UPP1: variants seen among roughly 807,000 people sequenced by gnomAD.
The protein encoded by UPP1 is uridine phosphorylase 1.
UPP1 carries 25 observed loss-of-function variants against 29.6 expected under a neutral mutation model. That is an observed-to-expected ratio of 0.85 (90% CI 0.62 to 1.18). The LOEUF is 1.18. UPP1 is among the 50% of genes most tolerant of loss of function. The pLI, the probability that UPP1 is intolerant of heterozygous loss-of-function variation, is 0.00. For synonymous variants in UPP1, 165 were observed against 159.8 expected (o/e 1.03, Z -0.25); for missense variants, 368 against 410.4 (o/e 0.90, Z 0.89).
intron 6 of UPP1, chr7:48,103,856 A>C: frequency 5.4e-6 from 7 of 1,289,704 alleles, no homozygotes; most frequent in Non-Finnish European, 7.1e-6. Flanking sequence ...TACAAAACTC[A>C]GATAAGTGTC....
intron 2 of UPP1, among the ~76,000 whole-genome samples, chr7:48,094,286 G>A (rs577315650): frequency 2.6e-5 from 4 of 152,168 alleles, no homozygotes; most frequent in African/African-American, 9.6e-5. Context: ...ACGGAGTGTC[G>A]CTCTGCAACC....
intron 3 of UPP1, 25 bp downstream of exon 3, chr7:48,094,852 TGGGTTGGGTG>T: frequency 6.2e-7 from 1 of 1,602,776 alleles, no homozygotes; most frequent in African/African-American, 1.3e-5. Flanking sequence ...CATTCCAGGT[TGGGTTGGGTG>T]GGGTTGGGTT....
chr7:48,108,538 C>G lies in UPP1; in HGVS notation c.*181C>G. ...GGAGATGTTCTTCCTTTTGAAGTTT[C>G]ATTGGAGCATTTTCAATGATGTTAG... On this transcript the variant is annotated 3_prime_UTR_variant, in exon 9 of 9. Transcript: ENST00000395564. 3 of 665,162 alleles carry G rather than the reference C, an allele frequency of 4.5e-6. No homozygotes were observed. The highest frequency in any genetic ancestry group is 3.8e-4 in the Middle Eastern group (1 of 2,652). 41.2% of individuals were successfully genotyped at this position (665,162 alleles called of 1,614,324 possible).
At chr7:48,090,524 C>A (rs751218583) in intron 2 of UPP1, among the ~76,000 whole-genome samples, 160 bp downstream of exon 2, 16 of 152,208 alleles carry the variant, frequency 1.1e-4, no homozygotes, top group Non-Finnish European at 1.8e-4. Flanking sequence ...CCTGCCTGGC[C>A]TTTCTTTGGC....
chr7:48,089,762 G>C (rs1438164377), intron 1 of UPP1: 1 of 152,362 alleles, frequency 6.6e-6, no homozygotes, highest in Non-Finnish European at 1.5e-5. Context: ...CCGAGGCGCA[G>C]CGAGGGTGAA....
intron 3 of UPP1, 21 bp downstream of exon 3, chr7:48,094,848 A>AGGTTGGGTTGGGTGG: frequency 7.8e-7 from 1 of 1,290,132 alleles, no homozygotes; most frequent in Non-Finnish European, 1.1e-6. Context: ...ATTTCATTCC[A>AGGTTGGGTTGGGTGG]GGTTGGGTTG....
At chr7:48,099,991 T>C (rs1416598844) in intron 4 of UPP1, among the ~76,000 whole-genome samples, 1 of 152,246 alleles carries the variant, frequency 6.6e-6, no homozygotes, top group Admixed American at 6.5e-5. Flanking sequence ...GCCAAATTGT[T>C]CCCTAATTCA....
chr7:48,102,675 T>C (rs1461943066), intron 5 of UPP1, among the ~76,000 whole-genome samples: 2 of 152,156 alleles, frequency 1.3e-5, no homozygotes, highest in Non-Finnish European at 2.9e-5. Context: ...ATGCCTCCAC[T>C]GTATGGCTCT....
intron 3 of UPP1, among the ~76,000 whole-genome samples, chr7:48,096,521 C>A (rs1161191171): frequency 6.6e-6 from 1 of 152,132 alleles, no homozygotes; most frequent in Non-Finnish European, 1.5e-5. Flanking sequence ...GGAGCCCTCC[C>A]ACTTCCCCTT....
At chr7:48,097,482 C>T (rs982632528) in intron 3 of UPP1, among the ~76,000 whole-genome samples, 25 of 152,176 alleles carry the variant, frequency 1.6e-4, no homozygotes, top group African/African-American at 4.6e-4. Flanking sequence ...GATCCACCTG[C>T]GTTGGCCTCC....
In UPP1 at chr7:48,100,381, T is replaced by C. The variant is rs144858876; in HGVS notation, c.162+594T>C. On this transcript the variant is annotated intron_variant, in intron 4 of 8. Transcript: ENST00000395564. ...TATGCATTTGAAACTATATATAAAATAAACTTCCTAATGCTTCATTGAGAG... is the reference window on the plus strand; with the variant it reads ...TATGCATTTGAAACTATATATAAAACAAACTTCCTAATGCTTCATTGAGAG... Among the ~76,000 whole-genome samples the C allele has an allele frequency of 3.5e-3, 528 of 152,314 alleles. 3 individuals carry two copies. Among genetic ancestry groups the C allele is most frequent in the African/African-American group, 0.012 (493 of 41,564 alleles).
Position 48,107,043 on chromosome 7 carries a change from G to A in UPP1, c.607G>A (p.Val203Met), listed in dbSNP as rs745832433. 2.5e-6 allele frequency: 4 copies of A among 1,612,372 alleles called. No individual in the cohort carries two copies. Among genetic ancestry groups the A allele is most frequent in the East Asian group, 4.5e-5 (2 of 44,882 alleles). The change falls in exon 7 of 9, where the codon GTG (valine) becomes ATG (methionine). Residue 203 changes from valine (V) to methionine (M), a missense_variant. Transcript: ENST00000395564. ...CSAELSEFTT[V>M]VGNTMCTLDF... Reference sequence around the variant, plus strand: ...TGCAGAGCTGAGCGAGTTCACCACAGTGGTGGGGAACACCATGTGCACCTT... The same window carrying A: ...TGCAGAGCTGAGCGAGTTCACCACAATGGTGGGGAACACCATGTGCACCTT...
At chr7:48,104,416 G>A (rs1792613397) in intron 6 of UPP1, among the ~76,000 whole-genome samples, 1 of 151,978 alleles carries the variant, frequency 6.6e-6, no homozygotes, top group Non-Finnish European at 1.5e-5. Flanking sequence ...CTGGGTTCTA[G>A]TGATTCCTGC....
intron 2 of UPP1, among the ~76,000 whole-genome samples, chr7:48,091,507 T>C (rs986516170): frequency 2.6e-5 from 4 of 152,184 alleles, no homozygotes; most frequent in Non-Finnish European, 5.9e-5. Context: ...AGAGAAGACT[T>C]GTTGAGAAAC....
intron 6 of UPP1, among the ~76,000 whole-genome samples, chr7:48,104,223 A>T (rs1358305171): frequency 1.3e-5 from 2 of 152,116 alleles, no homozygotes; most frequent in Non-Finnish European, 2.9e-5. Context: ...TCTCAACAAC[A>T]ACAACAACAA....
Position 48,108,387 on chromosome 7 carries a change from G to A in UPP1, c.*30G>A. 1.3e-6 allele frequency: 2 copies of A among 1,589,182 alleles called. No homozygotes were observed. The highest frequency in any genetic ancestry group is 1.1e-5 in the South Asian group (1 of 89,014). On this transcript the variant is annotated 3_prime_UTR_variant, in exon 9 of 9. Transcript: ENST00000395564. ...TGCCCTGCACCTCCGCAGACCTGCTGTGATGACTTGCCATTAAAAGCATTG... is the reference window on the plus strand; with the variant it reads ...TGCCCTGCACCTCCGCAGACCTGCTATGATGACTTGCCATTAAAAGCATTG...
chr7:48,090,031 T>G (rs985118520), intron 1 of UPP1, among the ~76,000 whole-genome samples, 157 bp from the exon 2 acceptor site: 5 of 152,236 alleles, frequency 3.3e-5, no homozygotes, highest in Admixed American at 6.5e-5. Context: ...CGAGTCAACA[T>G]TTAACAAAAT....
At chr7:48,098,216 G>A (rs1175353103) in intron 3 of UPP1, among the ~76,000 whole-genome samples, 1 of 152,202 alleles carries the variant, frequency 6.6e-6, no homozygotes, top group African/African-American at 2.4e-5. Flanking sequence ...ATGTTCAGGT[G>A]TGAGCTCACC....
chr7:48,093,772 G>A (rs551614659), intron 2 of UPP1, among the ~76,000 whole-genome samples: 1 of 152,126 alleles, frequency 6.6e-6, no homozygotes, highest in Non-Finnish European at 1.5e-5. Context: ...TCCTATGGTG[G>A]TCCCCTGTCC....
Sources: gnomAD v4.1 joint callset for allele counts (sites outside exome capture counted in the v4.1 genomes callset) on GRCh38, gnomAD v4.1.1 for gene constraint, MANE v1.5 for transcripts, NCBI Gene and HGNC (gene_info 2026-07-23, HGNC 2026-07-21) for gene names.